PDCD6: variants seen among roughly 807,000 people sequenced by gnomAD.
PDCD6 encodes programmed cell death protein 6.
In PDCD6, 12 loss-of-function variants were observed where a neutral mutation model predicts 28.3. That is an observed-to-expected ratio of 0.42 (90% CI 0.27 to 0.69). The LOEUF (loss-of-function observed/expected upper bound fraction) is 0.69, where lower values mean the gene tolerates loss of function less well. PDCD6 is among the 30% of genes least tolerant of loss of function. The pLI, the probability that PDCD6 is intolerant of heterozygous loss-of-function variation, is 0.22. For synonymous variants in PDCD6, 92 were observed against 108.0 expected (o/e 0.85, Z 0.92); for missense variants, 226 against 269.9 (o/e 0.84, Z 1.14).
chr5:271,703 A>G lies in PDCD6; in HGVS notation c.-18A>G, dbSNP rs192942671. 4,761 of 1,480,240 alleles carry G rather than the reference A, an allele frequency of 3.2e-3. 124 individuals are homozygous for G. In the African/African-American group the frequency reaches 0.058, roughly 18 times the overall value. 91.7% of individuals were successfully genotyped at this position (1,480,240 alleles called of 1,614,324 possible). On this transcript the variant is annotated 5_prime_UTR_variant, in exon 1 of 6. Coordinates refer to ENST00000264933, the MANE Select transcript of PDCD6 (RefSeq NM_013232.4). ...CTCGTCGCTGCAGGCGCCTCAGCCC[A>G]GCCGCGTGCCTTGGCCCATGGCCGC...
intron 2 of PDCD6, among the ~76,000 whole-genome samples, chr5:295,606 C>G (rs1242345320): frequency 6.8e-6 from 1 of 147,276 alleles, no homozygotes; most frequent in Non-Finnish European, 1.5e-5. Flanking sequence ...CCATGATTCT[C>G]CGTGATGTTG....
chr5:284,330 G>T (rs1290791976), intron 2 of PDCD6, among the ~76,000 whole-genome samples: 3 of 152,090 alleles, frequency 2.0e-5, no homozygotes, highest in South Asian at 2.1e-4. Context: ...TAGCTTGAGG[G>T]TCGTTCAGCT....
chr5:278,536 C>G (rs1465000945), intron 2 of PDCD6, among the ~76,000 whole-genome samples: 2 of 143,940 alleles, frequency 1.4e-5, no homozygotes, highest in Non-Finnish European at 3.0e-5. Flanking sequence ...ATGGCAGATC[C>G]TGTCTCTCCC....
chr5:299,391 G>T (rs543378668), intron 2 of PDCD6, among the ~76,000 whole-genome samples: 25 of 149,508 alleles, frequency 1.7e-4, no homozygotes, highest in African/African-American at 6.2e-4. Context: ...TGCTGGAACC[G>T]TGATCAGCCC....
intron 2 of PDCD6, among the ~76,000 whole-genome samples, chr5:287,512 T>TA (rs1003632382): frequency 6.6e-6 from 1 of 151,760 alleles, no homozygotes; most frequent in Non-Finnish European, 1.5e-5. Flanking sequence ...TTGAAAAGCT[T>TA]AAAAAAAACT....
intron 2 of PDCD6, among the ~76,000 whole-genome samples, chr5:290,725 C>T (rs544570995): frequency 6.6e-6 from 1 of 152,372 alleles, no homozygotes; most frequent in Non-Finnish European, 1.5e-5. Flanking sequence ...CCTGGTGATG[C>T]AGCAGGTGTC....
chr5:303,913 T>C (rs772534134), intron 2 of PDCD6, among the ~76,000 whole-genome samples: 2 of 151,466 alleles, frequency 1.3e-5, no homozygotes, highest in Non-Finnish European at 2.9e-5. Flanking sequence ...TAAGAGTGCA[T>C]GTCCAGCCGC....
intron 2 of PDCD6, chr5:289,826 T>C (rs1739208730): frequency 3.7e-6 from 5 of 1,366,878 alleles, no homozygotes; most frequent in Non-Finnish European, 5.2e-6. Context: ...CCATTTACAT[T>C]AGACCTCTCA....
At chr5:302,873 T>C (rs1308723580) in intron 2 of PDCD6, among the ~76,000 whole-genome samples, 2 of 135,360 alleles carry the variant, frequency 1.5e-5, no homozygotes, top group Non-Finnish European at 3.2e-5. Context: ...GGCGGATCAT[T>C]GAGTGCTGCT....
chr5:295,244 G>T (rs546006818), intron 2 of PDCD6, among the ~76,000 whole-genome samples: 1 of 151,188 alleles, frequency 6.6e-6, no homozygotes. Flanking sequence ...TTTCATAAGC[G>T]TATTGGACTT....
intron 2 of PDCD6, among the ~76,000 whole-genome samples, chr5:294,111 C>T (rs1699935898): frequency 6.6e-6 from 1 of 151,102 alleles, no homozygotes; most frequent in South Asian, 2.1e-4. Context: ...TAGATAAAAA[C>T]ACAGGAAAAT....
chr5:300,990 C>T (rs1219249723), intron 2 of PDCD6, among the ~76,000 whole-genome samples: 5 of 152,206 alleles, frequency 3.3e-5, no homozygotes, highest in African/African-American at 7.2e-5. Flanking sequence ...CCTGTGCCTG[C>T]GCTGCGGCGT....
chr5:302,107 T>TGTGTGTGTGCGCGC (rs113802406), intron 2 of PDCD6, among the ~76,000 whole-genome samples: 4 of 111,594 alleles, frequency 3.6e-5, no homozygotes, highest in African/African-American at 1.6e-4. Flanking sequence ...TGTGTGTGTG[T>TGTGTGTGTGCGCGC]GCCTTGGGTT....
intron 3 of PDCD6, chr5:304,483 CAT>C (rs1271090587): frequency 4.6e-6 from 1 of 216,226 alleles, no homozygotes; most frequent in East Asian, 9.9e-5. Flanking sequence ...CTAAAGATGA[CAT>C]ATATTTAAAA....
intron 2 of PDCD6, among the ~76,000 whole-genome samples, chr5:295,409 G>C (rs2126730513): frequency 6.6e-6 from 1 of 151,888 alleles, no homozygotes; most frequent in East Asian, 1.9e-4. Context: ...AATAATTTCT[G>C]CTGATGAGGT....
At chr5:282,902 G>C (rs1179679484) in intron 2 of PDCD6, among the ~76,000 whole-genome samples, 1 of 151,854 alleles carries the variant, frequency 6.6e-6, no homozygotes, top group African/African-American at 2.4e-5. Context: ...ATGAGCTGAG[G>C]TTCTAGTTTG....
chr5:311,687 T>TTTTTG (rs982531683), intron 5 of PDCD6: 94 of 386,378 alleles, frequency 2.4e-4, no homozygotes, highest in East Asian at 1.6e-3. Context: ...TTTTTTTTGT[T>TTTTTG]TTTTGTTTTG....
At position 306,748 on chromosome 5, in the gene PDCD6, C is replaced by G. The variant is rs369997630; in HGVS notation, c.355C>G (p.Leu119Val). Residue 119 changes from leucine (L) to valine (V), a missense_variant, in exon 4 of 6, where the codon CTC becomes GTC. Transcript: ENST00000264933. ...MIDKNELKQA[L>V]SGFGYRLSDQ... Reference sequence around the variant, plus strand: ...CGATAAGAACGAGCTGAAGCAGGCCCTCTCAGGTTTCGGTAACTCACTCAC... The same window carrying G: ...CGATAAGAACGAGCTGAAGCAGGCCGTCTCAGGTTTCGGTAACTCACTCAC... 1 of 1,613,788 alleles carries G rather than the reference C, an allele frequency of 6.2e-7. No homozygotes were observed. The highest frequency in any genetic ancestry group is 8.5e-7 in the Non-Finnish European group (1 of 1,179,910).
chr5:312,699 A>C (rs1740996970), intron 5 of PDCD6, among the ~76,000 whole-genome samples: 1 of 152,108 alleles, frequency 6.6e-6, no homozygotes, highest in Admixed American at 6.5e-5. Context: ...AGTCCCAGCT[A>C]CTCAGGAGGC....
Sources: allele counts gnomAD v4.1 joint callset (sites outside exome capture counted in the v4.1 genomes callset), GRCh38; gene constraint gnomAD v4.1.1; transcripts MANE v1.5; gene names NCBI Gene and HGNC (gene_info 2026-07-23, HGNC 2026-07-21).